The following GOSR2 variants were observed in gnomAD, a reference collection of about 807,000 sequenced individuals.
GOSR2 encodes the protein golgi SNAP receptor complex member 2, also known as 27 kDa Golgi SNARE protein.
A neutral mutation model predicts 27.9 loss-of-function variants in GOSR2; 20 were observed. The observed-to-expected ratio is 0.72, with a 90% CI of 0.50 to 1.04. The LOEUF is 1.04. Ranked by LOEUF, GOSR2 falls within the 50% of genes least tolerant of loss-of-function variation. The pLI is 0.00. For missense variants in GOSR2, 261 were observed against 270.5 expected (o/e 0.97, Z 0.25); for synonymous variants, 91 against 98.8 (o/e 0.92, Z 0.47).
At chr17:46,929,606 C>CTGTAATTAA (rs747617447) in intron 2 of GOSR2, 22 bp downstream of exon 2, 6 of 1,224,876 alleles carry the variant, frequency 4.9e-6, no homozygotes, top group Non-Finnish European at 6.1e-6. Flanking sequence ...ACTGTGGAGA[C>CTGTAATTAA]CAGAGTCCTT....
chr17:46,942,479 C>G (rs887201361), downstream of GOSR2, among the ~76,000 whole-genome samples: 3 of 152,196 alleles, frequency 2.0e-5, 1 homozygote, highest in South Asian at 6.2e-4. Flanking sequence ...AACCATGGGC[C>G]CACTTAATCT....
At chr17:46,927,848 C>T (rs1891018329) in intron 1 of GOSR2, among the ~76,000 whole-genome samples, 1 of 152,138 alleles carries the variant, frequency 6.6e-6, no homozygotes, top group African/African-American at 2.4e-5. Flanking sequence ...TTTACCTCCC[C>T]CCTTTTTATT....
At chr17:46,944,444 G>A (rs985931592), downstream of GOSR2, among the ~76,000 whole-genome samples, 8 of 152,092 alleles carry the variant, frequency 5.3e-5, no homozygotes, top group Non-Finnish European at 1.2e-4. Context: ...CCCGAGTCAC[G>A]TAGTGCTTTT....
At chr17:46,937,532 T>G (rs1568181995) in intron 5 of GOSR2, 1 of 152,212 alleles carries the variant, frequency 6.6e-6, no homozygotes, top group Admixed American at 6.5e-5. Flanking sequence ...TAACTCACAC[T>G]CCCATCAAGG....
At chr17:46,957,135 C>A (rs1371788706) in intron 6 of GOSR2, among the ~76,000 whole-genome samples, 1 of 152,056 alleles carries the variant, frequency 6.6e-6, no homozygotes, top group East Asian at 1.9e-4. Context: ...ATGGTGAAAC[C>A]CCGTCTCTAC....
chr17:46,938,469 T>A (rs7221042), intron 5 of GOSR2, 130 bp from the exon 6 acceptor site: 2 of 1,420,868 alleles, frequency 1.4e-6, no homozygotes, highest in Non-Finnish European at 9.8e-7. Context: ...CTGGCTGATA[T>A]TGCTTTCTGT....
downstream of GOSR2, among the ~76,000 whole-genome samples, chr17:46,967,982 C>T (rs1390402936): frequency 6.6e-6 from 1 of 152,136 alleles, no homozygotes; most frequent in African/African-American, 2.4e-5. Flanking sequence ...ACAGGGTTTC[C>T]TGCTAGGTGG....
At chr17:46,933,070 T>C (rs197924) in intron 4 of GOSR2, 152,401 of 152,406 alleles carry the variant, frequency 1, 76,198 homozygotes, top group Middle Eastern at 1. Flanking sequence ...GCAGTCAAGT[T>C]ACAGTGTTTA....
At chr17:46,952,155 C>T (rs1264073758) in intron 6 of GOSR2, among the ~76,000 whole-genome samples, 1 of 152,170 alleles carries the variant, frequency 6.6e-6, no homozygotes, top group Non-Finnish European at 1.5e-5. Flanking sequence ...TACCCAGCAT[C>T]TCGTCTTTGG....
intron 6 of GOSR2, chr17:46,949,479 C>T (rs1364807601): frequency 2.0e-5 from 3 of 152,200 alleles, no homozygotes; most frequent in Non-Finnish European, 2.9e-5. Flanking sequence ...CACAAGCCCC[C>T]AGCTGCCTCT....
intron 6 of GOSR2, among the ~76,000 whole-genome samples, chr17:46,960,924 C>T (rs1267031411): frequency 1.3e-5 from 2 of 152,004 alleles, no homozygotes; most frequent in Admixed American, 6.5e-5. Flanking sequence ...TGACACAACT[C>T]TAAGTATTTG....
At chr17:46,952,486 C>T (rs866695656) in intron 6 of GOSR2, among the ~76,000 whole-genome samples, 2 of 152,306 alleles carry the variant, frequency 1.3e-5, no homozygotes, top group Middle Eastern at 3.4e-3. Context: ...GATATTTGTG[C>T]CTCTAGACTT....
chr17:46,957,080 G>A (rs993480930), intron 6 of GOSR2, among the ~76,000 whole-genome samples: 6 of 152,154 alleles, frequency 3.9e-5, no homozygotes, highest in Non-Finnish European at 5.9e-5. Context: ...AGGCCCAGGC[G>A]GGTGGATCGT....
chr17:46,956,849 T>G (rs950863523), intron 6 of GOSR2, among the ~76,000 whole-genome samples: 2 of 152,094 alleles, frequency 1.3e-5, no homozygotes, highest in Non-Finnish European at 2.9e-5. Context: ...GACTAAATCC[T>G]TGAAAGAGCA....
rs869045527 is a variant in GOSR2, at chr17:46,956,277, CTTTTTTTTTTTTT to C, written c.584-10239_584-10227del. On this transcript the variant is annotated intron_variant, in intron 6 of 6. Coordinates refer to the GOSR2 transcript ENST00000573224. ...AGGCCAGGATTCTGCCTTGCCAGTC[CTTTTTTTTTTTTT>C]TTTTTTTTTTTTTTTTTGAGACAGA... Among the ~76,000 whole-genome samples the C allele has an allele frequency of 2.7e-3, 170 of 62,656 alleles. 1 individual carries two copies. The highest frequency in any genetic ancestry group is 0.022 in the Middle Eastern group (2 of 92). 41.1% of individuals were successfully genotyped at this position (62,656 alleles called of 152,430 possible).
chr17:46,944,992 G>T (rs2089715031), downstream of GOSR2, among the ~76,000 whole-genome samples: 1 of 152,206 alleles, frequency 6.6e-6, no homozygotes, highest in East Asian at 1.9e-4. Flanking sequence ...TATCATTCCT[G>T]TTCAGCTGGA....
intron 2 of GOSR2, chr17:46,930,866 T>TA (rs549759131): frequency 5.4e-5 from 26 of 480,284 alleles, no homozygotes; most frequent in Non-Finnish European, 8.9e-5. Flanking sequence ...TCAGCTTTTT[T>TA]AAAAAATTGG....
At chr17:46,960,324 A>G (rs1265674975) in intron 6 of GOSR2, among the ~76,000 whole-genome samples, 1 of 152,218 alleles carries the variant, frequency 6.6e-6, no homozygotes, top group Non-Finnish European at 1.5e-5. Flanking sequence ...CATACATACA[A>G]ACAAACACAA....
intron 4 of GOSR2, 62 bp from the exon 5 acceptor site, chr17:46,934,967 A>G: frequency 2.0e-6 from 3 of 1,484,780 alleles, no homozygotes; most frequent in Non-Finnish European, 2.8e-6. Context: ...AAGACAGAGC[A>G]GTGAGACCCC....
Sources: gnomAD v4.1 joint callset for allele counts (sites outside exome capture counted in the v4.1 genomes callset) on GRCh38, gnomAD v4.1.1 for gene constraint, MANE v1.5 for transcripts, NCBI Gene and HGNC (gene_info 2026-07-23, HGNC 2026-07-21) for gene names.